The following DCN variants were observed in gnomAD, a reference collection of about 807,000 sequenced individuals.
The protein encoded by DCN is bone proteoglycan II.
Under a neutral mutation model 36.5 loss-of-function variants are expected in DCN, and 17 were observed. The ratio of observed to expected loss-of-function variants is 0.47; its 90% CI spans 0.32 to 0.70. The LOEUF is 0.70. Among genes scored for constraint, DCN ranks in the 30% least tolerant of loss-of-function variants. The pLI, the probability that DCN is intolerant of heterozygous loss-of-function variation, is 0.04. For missense variants in DCN, 389 were observed against 430.1 expected, an observed-to-expected ratio of 0.90 and a Z score of 0.84; for synonymous variants, 163 against 161.4, an observed-to-expected ratio of 1.01 and a Z score of -0.07.
chr12:91,166,753 T>C (rs868240053), intron 2 of DCN, among the ~76,000 whole-genome samples: 5 of 152,154 alleles, frequency 3.3e-5, no homozygotes, highest in Admixed American at 2.6e-4. Flanking sequence ...AGGTAATTTA[T>C]ATACATCTTA....
At chr12:91,180,017 A>G (rs550811199) in intron 1 of DCN, among the ~76,000 whole-genome samples, 1 of 151,952 alleles carries the variant, frequency 6.6e-6, no homozygotes, top group South Asian at 2.1e-4. Context: ...AATAAATCTG[A>G]GTGACAAAAT....
In DCN at chr12:91,174,323, T is replaced by C. The variant is rs181478990; in HGVS notation, c.211+4019A>G. Among the ~76,000 whole-genome samples the C allele has an allele frequency of 3.5e-4, 54 of 152,188 alleles. No homozygotes were observed. The East Asian group carries it at 0.01, about 28-fold the overall frequency. Reference sequence around the variant, plus strand: ...CTAGCTTGACAACCCATATACTTATTAGAGACTCTTAATAAGTCTCTAATA... The same window carrying C: ...CTAGCTTGACAACCCATATACTTATCAGAGACTCTTAATAAGTCTCTAATA... On this transcript the variant is annotated intron_variant, in intron 2 of 7. Coordinates refer to ENST00000052754, the MANE Select transcript of DCN (RefSeq NM_001920.5).
In DCN at chr12:91,153,200, G is replaced by A; in HGVS notation, c.653-11C>T. The A allele has an allele frequency of 6.8e-7, 1 of 1,469,654 alleles. No individual in the cohort carries two copies. The highest frequency in any genetic ancestry group is 9.5e-7 in the Non-Finnish European group (1 of 1,048,484). 91.0% of individuals were successfully genotyped at this position (1,469,654 alleles called of 1,614,324 possible). ...GGGAAGGAGGAAGACCTGGAATGTGGAATTAAAGATGTTAAATTAGCAGAT... is the reference window on the plus strand; with the variant it reads ...GGGAAGGAGGAAGACCTGGAATGTGAAATTAAAGATGTTAAATTAGCAGAT... On this transcript the variant is annotated splice_polypyrimidine_tract_variant and intron_variant, in intron 5 of 7. Coordinates refer to ENST00000052754, the MANE Select transcript of DCN (RefSeq NM_001920.5).
intron 1 of DCN, chr12:91,181,038 C>A (rs999004815): frequency 6.6e-6 from 1 of 152,070 alleles, no homozygotes; most frequent in African/African-American, 2.4e-5. Flanking sequence ...TAAAATGGTA[C>A]AAATTCTCCA....
chr12:91,159,524 G>T, intron 3 of DCN, among the ~76,000 whole-genome samples: 1 of 151,530 alleles, frequency 6.6e-6, no homozygotes, highest in African/African-American at 2.4e-5. Context: ...GTTAATAATT[G>T]ATTTAGAAAA....
At chr12:91,164,039 T>C (rs889160567) in intron 3 of DCN, among the ~76,000 whole-genome samples, 57 of 152,228 alleles carry the variant, frequency 3.7e-4, no homozygotes, top group African/African-American at 1.3e-3. Context: ...ATTAAAAAAG[T>C]CAGGTAAATT....
intron 6 of DCN, among the ~76,000 whole-genome samples, chr12:91,152,457 C>T (rs1881495783): frequency 6.6e-6 from 1 of 151,974 alleles, no homozygotes; most frequent in Non-Finnish European, 1.5e-5. Context: ...ACATAGTGTT[C>T]CTTGAAGACA....
rs35379812 is a variant in DCN at position 91,145,681 on chromosome 12, A to C, written c.*377T>G. 2 of 355,456 alleles carry C rather than the reference A, an allele frequency of 5.6e-6. No homozygotes were observed. The highest frequency in any genetic ancestry group is 5.4e-6 in the Non-Finnish European group (1 of 185,284). The allele number at this position is 355,456 out of a possible 1,614,324, so 22.0% of individuals were successfully genotyped here. On this transcript the variant is annotated 3_prime_UTR_variant, in exon 8 of 8. Transcript: ENST00000052754. ...GTGTTTGGCATTTGACTTTATCTCAAATGAGCTAACTGCTCAATGAATTAC... is the reference window on the plus strand; with the variant it reads ...GTGTTTGGCATTTGACTTTATCTCACATGAGCTAACTGCTCAATGAATTAC...
In DCN at chr12:91,140,818, A is replaced by G. The variant is rs565548286; in HGVS notation, c.*5240T>C. On this transcript the variant is annotated 3_prime_UTR_variant, in exon 8 of 8. Transcript: ENST00000052754. Reference sequence around the variant, plus strand: ...CTCAGTTCTTCCAGCTCAACCTCCCAGTCATTACCATCTCAGTAAATGGTG... The same window carrying G: ...CTCAGTTCTTCCAGCTCAACCTCCCGGTCATTACCATCTCAGTAAATGGTG... 1 of 152,330 alleles carries G rather than the reference A, an allele frequency of 6.6e-6. No individual in the cohort carries two copies. The highest frequency in any genetic ancestry group is 2.1e-4 in the South Asian group (1 of 4,822). 9.4% of individuals were successfully genotyped at this position (152,330 alleles called of 1,614,324 possible). A position where few individuals can be genotyped will look rare whatever the true frequency, so the allele number is the denominator to read the frequency against.
chr12:91,170,803 C>T (rs1456122606), intron 2 of DCN, among the ~76,000 whole-genome samples: 1 of 152,084 alleles, frequency 6.6e-6, no homozygotes, highest in African/African-American at 2.4e-5. Flanking sequence ...TAGAAATACA[C>T]GAGGACCAGA....
At chr12:91,146,336 T>G (rs1432808279) in intron 7 of DCN, 84 bp from the exon 8 acceptor site, 1 of 778,230 alleles carries the variant, frequency 1.3e-6, no homozygotes, top group Admixed American at 2.8e-5. Flanking sequence ...TTTTTTATTA[T>G]TTTTTAATCC....
intron 2 of DCN, among the ~76,000 whole-genome samples, chr12:91,167,846 GT>G (rs897758952): frequency 3.3e-5 from 5 of 151,874 alleles, no homozygotes; most frequent in Non-Finnish European, 5.9e-5. Context: ...TTTTGTTTTT[GT>G]TTTTTTGTTT....
chr12:91,161,630 A>G (rs1882161137), intron 3 of DCN, among the ~76,000 whole-genome samples: 1 of 151,900 alleles, frequency 6.6e-6, no homozygotes, highest in Non-Finnish European at 1.5e-5. Context: ...AAAGGTCGGA[A>G]CCTCCAGCTT....
intron 3 of DCN, among the ~76,000 whole-genome samples, chr12:91,162,256 A>G (rs1292859868): frequency 2.6e-5 from 4 of 152,120 alleles, no homozygotes; most frequent in Admixed American, 1.3e-4. Flanking sequence ...ATTTTTTAAA[A>G]TGGTTCCTTG....
rs1880733059 is a variant in DCN at position 91,140,814 on chromosome 12, T to C, written c.*5244A>G. 1 of 152,192 alleles carries C rather than the reference T, an allele frequency of 6.6e-6. No homozygotes were observed. The highest frequency in any genetic ancestry group is 6.6e-5 in the Admixed American group (1 of 15,264). 9.4% of individuals were successfully genotyped at this position (152,192 alleles called of 1,614,324 possible). On this transcript the variant is annotated 3_prime_UTR_variant, in exon 8 of 8. Coordinates refer to ENST00000052754, the MANE Select transcript of DCN (RefSeq NM_001920.5). ...GATTCTCAGTTCTTCCAGCTCAACC[T>C]CCCAGTCATTACCATCTCAGTAAAT...
rs879074600 is a variant in DCN at position 91,158,634 on chromosome 12, A to G, written c.325-125T>C. 1.3e-5 allele frequency: 9 copies of G among 694,168 alleles called. No homozygotes were observed. In the Admixed American group the frequency reaches 1.8e-4, roughly 14 times the overall value. 43.0% of individuals were successfully genotyped at this position (694,168 alleles called of 1,614,324 possible). A position where few individuals can be genotyped will look rare whatever the true frequency, so the allele number is the denominator to read the frequency against. On this transcript the variant is annotated intron_variant, in intron 3 of 7. Coordinates refer to ENST00000052754, the MANE Select transcript of DCN (RefSeq NM_001920.5). ...GAAATCTAAAAAATTGCAAGAAATC[A>G]GAAAAAAATTAAGTAAGTATTATTT... is the stretch of plus-strand genomic sequence containing the variant.
At chr12:91,172,677 C>T in intron 2 of DCN, 1 of 668,912 alleles carries the variant, frequency 1.5e-6, no homozygotes, top group Non-Finnish European at 2.7e-6. Flanking sequence ...GGCATGTTCC[C>T]TTCTCTTTGC....
intron 2 of DCN, among the ~76,000 whole-genome samples, chr12:91,171,451 A>T (rs1279163967): frequency 1.4e-4 from 22 of 152,208 alleles, no homozygotes. Flanking sequence ...TCCCAATACC[A>T]TTAGGAGGTA....
chr12:91,167,885 G>A (rs1175862571), intron 2 of DCN, among the ~76,000 whole-genome samples: 1 of 152,104 alleles, frequency 6.6e-6, no homozygotes, highest in Non-Finnish European at 1.5e-5. Flanking sequence ...CTGTCGCTCA[G>A]CCTGGAATGC....
Sources: allele counts gnomAD v4.1 joint callset (sites outside exome capture counted in the v4.1 genomes callset), GRCh38; gene constraint gnomAD v4.1.1; transcripts MANE v1.5; gene names NCBI Gene and HGNC (gene_info 2026-07-23, HGNC 2026-07-21).